Variants in DNAH17 observed in about 807,000 individuals in gnomAD.
DNAH17 encodes dynein axonemal heavy chain 17.
DNAH17 carries 376 observed loss-of-function variants against 485.6 expected under a neutral mutation model. That is an observed-to-expected ratio of 0.77 (90% CI 0.71 to 0.84). The LOEUF is 0.84. DNAH17 is among the 40% of genes least tolerant of loss of function. DNAH17 has a pLI of 0.00. For missense variants in DNAH17, 6,370 were observed against 5,839.3 expected (o/e 1.09, Z -2.96); for synonymous variants, 3,031 against 2,405.9 (o/e 1.26, Z -7.60).
At chr17:78,442,806 G>C (rs990365026) in intron 71 of DNAH17, among the ~76,000 whole-genome samples, 5 of 152,324 alleles carry the variant, frequency 3.3e-5, no homozygotes, top group Admixed American at 1.3e-4. Context: ...TTGCGCACGT[G>C]GGGGTGGCCT....
At position 78,455,816 on chromosome 17, in the gene DNAH17, G is replaced by A. The variant is rs766534694; in HGVS notation, c.9998C>T (p.Ser3333Leu). The A allele has an allele frequency of 1.5e-5, 24 of 1,605,302 alleles. No homozygotes were observed. The highest frequency in any genetic ancestry group is 2.0e-5 in the Non-Finnish European group (23 of 1,176,046). The part of the protein sequence containing the change: ...LANRLVGGLA[S>L]ENIRWAESVE... ...AGACTCAGCCCAGCGGATGTTTTCC[G>A]ATGCTAATCCCCCGACCAGCCTAAA... is the stretch of plus-strand genomic sequence containing the variant. Residue 3333 changes from serine (S) to leucine (L), a missense_variant, in exon 63 of 81, where the codon TCG (serine) becomes TTG (leucine). Ser to Leu is a moderately radical substitution (Grantham distance 145). Coordinates refer to ENST00000389840, the MANE Select transcript of DNAH17 (RefSeq NM_173628.4).
chr17:78,533,222 C>T (rs2091288071), intron 19 of DNAH17, among the ~76,000 whole-genome samples: 1 of 152,192 alleles, frequency 6.6e-6, no homozygotes, highest in South Asian at 2.1e-4. Context: ...GGGATAGATA[C>T]TGGGGCACAG....
chr17:78,521,831 A>G (rs892553766), intron 25 of DNAH17, among the ~76,000 whole-genome samples: 6 of 152,258 alleles, frequency 3.9e-5, no homozygotes, highest in African/African-American at 1.4e-4. Flanking sequence ...TCCTAAAAAT[A>G]CAAAAATTAG....
chr17:78,539,657 C>A, intron 18 of DNAH17, 80 bp downstream of exon 18: 1 of 1,200,470 alleles, frequency 8.3e-7, no homozygotes, highest in Admixed American at 3.1e-5. Flanking sequence ...ATAGCCTGTT[C>A]ATCAAGAAAC....
chr17:78,540,601 T>C (rs2091511751), intron 17 of DNAH17, among the ~76,000 whole-genome samples: 1 of 123,992 alleles, frequency 8.1e-6, no homozygotes. Context: ...GGTGGGTGAA[T>C]GAATAGATGA....
chr17:78,560,476 T>TC (rs1469469265), intron 13 of DNAH17, among the ~76,000 whole-genome samples: 2 of 140,724 alleles, frequency 1.4e-5, no homozygotes, highest in Non-Finnish European at 3.2e-5. Context: ...GGCAAAGACT[T>TC]TTTCCCCCCC....
intron 56 of DNAH17, among the ~76,000 whole-genome samples, chr17:78,466,380 T>C (rs1260071879): frequency 6.6e-6 from 1 of 152,090 alleles, no homozygotes; most frequent in African/African-American, 2.4e-5. Context: ...CCCTCCACTA[T>C]TGTCCTATGA....
At chr17:78,521,338 G>A (rs575627455) in intron 25 of DNAH17, among the ~76,000 whole-genome samples, 2 of 152,188 alleles carry the variant, frequency 1.3e-5, no homozygotes, top group Middle Eastern at 3.4e-3. Context: ...CCGGGGAGGT[G>A]GAGGTTGCAG....
At position 78,445,493 on chromosome 17, in the gene DNAH17, G is replaced by A; in HGVS notation, c.11334+65C>T. The A allele has an allele frequency of 2.6e-6, 4 of 1,528,288 alleles. No individual in the cohort carries two copies. In the South Asian group the frequency reaches 3.7e-5, roughly 14 times the overall value. 94.7% of individuals were successfully genotyped at this position (1,528,288 alleles called of 1,614,324 possible). A position where few individuals can be genotyped will look rare whatever the true frequency, so the allele number is the denominator to read the frequency against. The stretch of plus-strand genomic sequence containing the variant: ...TATTCTGGCCTTGGAAACATCCGCA[G>A]CATCAGCTGGAGGGGGCTCCACGGC... On this transcript the variant is annotated intron_variant, in intron 70 of 80. Transcript: ENST00000389840.
At chr17:78,549,598 G>A (rs1214836469) in intron 16 of DNAH17, among the ~76,000 whole-genome samples, 2 of 152,186 alleles carry the variant, frequency 1.3e-5, no homozygotes, top group African/African-American at 2.4e-5. Flanking sequence ...AATACTTTGT[G>A]GTTTAGTTAA....
At chr17:78,489,097 G>A (rs143233943) in intron 44 of DNAH17, among the ~76,000 whole-genome samples, 146 of 152,202 alleles carry the variant, frequency 9.6e-4, no homozygotes, top group Non-Finnish European at 1.8e-3. Flanking sequence ...AGCCGGCACA[G>A]AGGCACCCAG....
Position 78,494,814 on chromosome 17 carries a change from A to T in DNAH17, c.6049T>A (p.Tyr2017Asn). The change falls in exon 40 of 81, where the codon TAC becomes AAC. Residue 2017 changes from tyrosine (Y) to asparagine (N), a missense_variant. Physicochemically the swap from Tyr to Asn is moderately radical, Grantham distance 143. Coordinates refer to ENST00000389840, the MANE Select transcript of DNAH17 (RefSeq NM_173628.4). Reference protein sequence around the residue: ...CKELLSKQDHYDWGLRAIKSV... With the variant: ...CKELLSKQDHNDWGLRAIKSV... ...TTGATGGCTCTCAGGCCCCAGTCGT[A>T]ATGATCCTGCGGGCAGTGGGCACAG... 6.2e-7 allele frequency: 1 copy of T among 1,604,974 alleles called. No homozygotes were observed. The highest frequency in any genetic ancestry group is 1.3e-5 in the African/African-American group (1 of 74,822).
In DNAH17 at chr17:78,459,699, A is replaced by T. The variant is rs569987476; in HGVS notation, c.9653+85T>A. The stretch of plus-strand genomic sequence containing the variant: ...TTGAGCCACAGGCCCCAAGAGCCTG[A>T]GGCCATGCTTCACCTCAGCATCGTG... On this transcript the variant is annotated intron_variant, in intron 60 of 80. Transcript: ENST00000389840. 42 of 1,469,832 alleles carry T rather than the reference A, an allele frequency of 2.9e-5. No homozygotes were observed. In the African/African-American group the frequency reaches 5.1e-4, roughly 18 times the overall value. The allele number at this position is 1,469,832 out of a possible 1,614,324, so 91.0% of individuals were successfully genotyped here. A position where few individuals can be genotyped will look rare whatever the true frequency, so the allele number is the denominator to read the frequency against.
rs369505638 is a variant in DNAH17, at chr17:78,492,624, C to T, written c.6541+9G>A. On this transcript the variant is annotated intron_variant, in intron 42 of 80. Transcript: ENST00000389840. ...CCCCTGCAGCCTGTCCCGGGACCAC[C>T]CTCGTTACCATCTTTCCATTCCCTG... 4.3e-6 allele frequency: 7 copies of T among 1,613,482 alleles called. No homozygotes were observed. Among genetic ancestry groups the T allele is most frequent in the Non-Finnish European group, 5.9e-6 (7 of 1,179,622 alleles).
At chr17:78,441,010 A>G (rs774963762) in intron 72 of DNAH17, 41 bp downstream of exon 72, 1 of 1,552,580 alleles carries the variant, frequency 6.4e-7, no homozygotes, top group South Asian at 1.2e-5. Flanking sequence ...GATGCTGACA[A>G]TACTCCGTCT....
Position 78,558,105 on chromosome 17 carries a change from C to T in DNAH17, c.2178+3G>A, listed in dbSNP as rs551034015. 1 of 1,611,968 alleles carries T rather than the reference C, an allele frequency of 6.2e-7. No individual in the cohort carries two copies. Among genetic ancestry groups the T allele is most frequent in the Admixed American group, 1.7e-5 (1 of 59,546 alleles). Reference sequence around the variant, plus strand: ...CAGGAATAGTACCGACTCACCAACTCACCTCATTATACCAGCCAACGATGA... The same window carrying T: ...CAGGAATAGTACCGACTCACCAACTTACCTCATTATACCAGCCAACGATGA... On this transcript the variant is annotated splice_donor_region_variant and intron_variant, in intron 14 of 80. Coordinates refer to ENST00000389840, the MANE Select transcript of DNAH17 (RefSeq NM_173628.4).
At chr17:78,562,953 A>G (rs1380863397) in intron 11 of DNAH17, among the ~76,000 whole-genome samples, 1 of 152,188 alleles carries the variant, frequency 6.6e-6, no homozygotes, top group Non-Finnish European at 1.5e-5. Flanking sequence ...GGGCTGCCAT[A>G]ACCCACGCCC....
intron 2 of DNAH17, among the ~76,000 whole-genome samples, chr17:78,574,263 G>A (rs1234269063): frequency 6.6e-6 from 1 of 152,194 alleles, no homozygotes; most frequent in East Asian, 1.9e-4. Context: ...GTTGAGGCAG[G>A]AGGATCGCTT....
At chr17:78,473,553 A>G (rs2088869656) in intron 54 of DNAH17, among the ~76,000 whole-genome samples, 1 of 151,258 alleles carries the variant, frequency 6.6e-6, no homozygotes, top group Non-Finnish European at 1.5e-5. Flanking sequence ...CAAAAAAAAA[A>G]AAAAAAAAAA....
Sources: allele counts gnomAD v4.1 joint callset (sites outside exome capture counted in the v4.1 genomes callset), GRCh38; gene constraint gnomAD v4.1.1; transcripts MANE v1.5; gene names NCBI Gene and HGNC (gene_info 2026-07-23, HGNC 2026-07-21).